UNC13C: variants seen among roughly 807,000 people sequenced by gnomAD.
UNC13C encodes unc-13 homolog C, also known as protein unc-13 homolog C.
In UNC13C, 174 loss-of-function variants were observed where a neutral mutation model predicts 245.4. The ratio of observed to expected loss-of-function variants is 0.71; its 90% CI spans 0.63 to 0.80. The LOEUF is 0.80. Among genes scored for constraint, UNC13C ranks in the 30% least tolerant of loss-of-function variants. UNC13C has a pLI of 0.00. For synonymous variants in UNC13C, 992 were observed against 895.1 expected (o/e 1.11, Z -1.93); for missense variants, 2,829 against 2,602.9 (o/e 1.09, Z -1.89).
intron 17 of UNC13C, among the ~76,000 whole-genome samples, chr15:54,373,278 C>T (rs569793150): frequency 6.6e-6 from 1 of 152,192 alleles, no homozygotes; most frequent in Non-Finnish European, 1.5e-5. Context: ...GCTTCATTAG[C>T]CAGAAAACTT....
At chr15:54,072,184 C>CAGGGTAGT (rs1249770877) in intron 2 of UNC13C, among the ~76,000 whole-genome samples, 1 of 152,140 alleles carries the variant, frequency 6.6e-6, no homozygotes, top group Non-Finnish European at 1.5e-5. Context: ...TGTGGAAGTA[C>CAGGGTAGT]AGGGTAGTGA....
the UNC13C span, among the ~76,000 whole-genome samples, chr15:53,970,163 C>T: frequency 4.0e-5 from 6 of 151,868 alleles, no homozygotes; most frequent in African/African-American, 4.8e-5. Context: ...TTTGCCTCCC[C>T]GGTTCAAGCA....
At chr15:54,070,178 C>T (rs1177828655) in intron 2 of UNC13C, among the ~76,000 whole-genome samples, 2 of 152,188 alleles carry the variant, frequency 1.3e-5, no homozygotes, top group African/African-American at 4.8e-5. Context: ...ATGATTTAGC[C>T]AAAGCTATTT....
intron 4 of UNC13C, among the ~76,000 whole-genome samples, chr15:54,166,892 A>C (rs1452427054): frequency 6.6e-6 from 1 of 152,184 alleles, no homozygotes; most frequent in African/African-American, 2.4e-5. Context: ...AATATTGATA[A>C]AATCTCAGTT....
chr15:54,451,958 G>T (rs764126100), intron 19 of UNC13C, among the ~76,000 whole-genome samples: 16 of 152,192 alleles, frequency 1.1e-4, no homozygotes, highest in Non-Finnish European at 1.8e-4. Flanking sequence ...ATTTTGGTTA[G>T]GTAGGGAACA....
At chr15:54,300,931 TATTTAGCACCC>T (rs1408897046) in intron 13 of UNC13C, among the ~76,000 whole-genome samples, 1 of 152,150 alleles carries the variant, frequency 6.6e-6, no homozygotes, top group Non-Finnish European at 1.5e-5. Context: ...AACAAAGATT[TATTTAGCACCC>T]ATAGAACGCA....
At chr15:54,552,669 C>G (rs1473709298) in intron 28 of UNC13C, among the ~76,000 whole-genome samples, 1 of 70,344 alleles carries the variant, frequency 1.4e-5, no homozygotes, top group African/African-American at 6.6e-5. Context: ...TTATATTGTA[C>G]TATATAATAT....
chr15:54,392,952 A>C (rs747562864), intron 17 of UNC13C, 96 bp from the exon 18 acceptor site: 2 of 1,352,490 alleles, frequency 1.5e-6, no homozygotes, highest in Non-Finnish European at 1.9e-6. Flanking sequence ...TCATTTCCAC[A>C]ATCATTTTTC....
chr15:54,626,023 GA>G (rs1251579888), intron 32 of UNC13C, among the ~76,000 whole-genome samples: 1 of 151,978 alleles, frequency 6.6e-6, no homozygotes, highest in South Asian at 2.1e-4. Context: ...TGTTTCATCA[GA>G]AAAAAATCAC....
chr15:54,481,142 C>G (rs1273202198), intron 19 of UNC13C, among the ~76,000 whole-genome samples: 1 of 152,062 alleles, frequency 6.6e-6, no homozygotes, highest in Non-Finnish European at 1.5e-5. Context: ...CTTGGAGTTC[C>G]TCTGTGGTTT....
the UNC13C span, among the ~76,000 whole-genome samples, chr15:53,879,969 G>GTA: frequency 1.1e-4 from 17 of 151,136 alleles, no homozygotes; most frequent in Middle Eastern, 3.4e-3. Context: ...GTGTGTGTGT[G>GTA]TGTATATACA....
At chr15:54,389,056 T>A (rs954852341) in intron 17 of UNC13C, among the ~76,000 whole-genome samples, 71 of 152,188 alleles carry the variant, frequency 4.7e-4, no homozygotes, top group African/African-American at 1.7e-3. Flanking sequence ...GTCCTTATCA[T>A]GTTTGGTTTC....
upstream of UNC13C, among the ~76,000 whole-genome samples, chr15:53,977,156 A>C (rs1280642572): frequency 6.6e-6 from 1 of 152,174 alleles, no homozygotes; most frequent in Non-Finnish European, 1.5e-5. Flanking sequence ...GCAGCGGGTA[A>C]GGGAAGCTGT....
At chr15:54,055,629 A>C (rs1469233795) in intron 2 of UNC13C, among the ~76,000 whole-genome samples, 1 of 152,188 alleles carries the variant, frequency 6.6e-6, no homozygotes, top group Non-Finnish European at 1.5e-5. Flanking sequence ...AGTGTTAAGC[A>C]TTACTTCTCC....
intron 4 of UNC13C, among the ~76,000 whole-genome samples, chr15:54,224,083 C>T (rs992291380): frequency 1.3e-5 from 2 of 151,948 alleles, no homozygotes; most frequent in Non-Finnish European, 2.9e-5. Context: ...CATGTGCAAA[C>T]GAAGATAATT....
intron 17 of UNC13C, among the ~76,000 whole-genome samples, chr15:54,381,054 C>T (rs868528070): frequency 6.6e-6 from 1 of 152,088 alleles, no homozygotes; most frequent in Non-Finnish European, 1.5e-5. Context: ...TGTCATGGAG[C>T]TTTTCTCCTG....
At chr15:54,351,881 C>T (rs192417291) in intron 17 of UNC13C, among the ~76,000 whole-genome samples, 50 of 152,124 alleles carry the variant, frequency 3.3e-4, no homozygotes, top group African/African-American at 1.2e-3. Flanking sequence ...ACTGTTTTCT[C>T]ATCTCTAAAA....
At chr15:54,522,952 A>T (rs952241589) in intron 24 of UNC13C, among the ~76,000 whole-genome samples, 20 of 152,212 alleles carry the variant, frequency 1.3e-4, no homozygotes, top group Admixed American at 2.6e-4. Flanking sequence ...ATACAAAAAG[A>T]TTCAAGATAA....
At chr15:54,613,501 G>C (rs1166562810) in intron 30 of UNC13C, among the ~76,000 whole-genome samples, 1 of 151,774 alleles carries the variant, frequency 6.6e-6, no homozygotes, top group African/African-American at 2.4e-5. Context: ...AAATAAAACT[G>C]TACAATGATA....
Sources: allele counts gnomAD v4.1 joint callset (sites outside exome capture counted in the v4.1 genomes callset), GRCh38; gene constraint gnomAD v4.1.1; transcripts MANE v1.5; gene names NCBI Gene and HGNC (gene_info 2026-07-23, HGNC 2026-07-21).